Variants in DLGAP1 observed in about 807,000 individuals in gnomAD.
The protein encoded by DLGAP1 is DLG associated protein 1, also known as disks large-associated protein 1.
DLGAP1 carries 11 observed loss-of-function variants against 90.8 expected under a neutral mutation model. The ratio of observed to expected loss-of-function variants is 0.12; its 90% CI spans 0.08 to 0.20. DLGAP1 has a LOEUF of 0.20. Ranked by LOEUF, DLGAP1 falls within the 10% of genes least tolerant of loss-of-function variation. The pLI, the probability that DLGAP1 is intolerant of heterozygous loss-of-function variation, is 1.00. For synonymous variants in DLGAP1, 558 were observed against 540.7 expected (o/e 1.03, Z -0.44); for missense variants, 1,050 against 1,333.8 (o/e 0.79, Z 3.31).
At chr18:4,261,476 C>T (rs920032866) in intron 1 of DLGAP1, among the ~76,000 whole-genome samples, 5 of 152,064 alleles carry the variant, frequency 3.3e-5, no homozygotes, top group African/African-American at 9.7e-5. Flanking sequence ...GCCCTTTTAC[C>T]TCTGCTTTTC....
At chr18:3,882,048 C>G (rs2071186904) in intron 3 of DLGAP1, among the ~76,000 whole-genome samples, 5 of 152,162 alleles carry the variant, frequency 3.3e-5, no homozygotes, top group Admixed American at 3.3e-4. Context: ...ACAAACAATC[C>G]CCCCAGGTTA....
At chr18:3,736,654 A>G (rs1245041825) in intron 6 of DLGAP1, among the ~76,000 whole-genome samples, 1 of 152,208 alleles carries the variant, frequency 6.6e-6, no homozygotes, top group Admixed American at 6.5e-5. Context: ...TTGAAGAGGA[A>G]ACTATTCTCC....
intron 4 of DLGAP1, among the ~76,000 whole-genome samples, chr18:3,828,693 A>C (rs2067867695): frequency 6.6e-6 from 1 of 151,470 alleles, no homozygotes; most frequent in Admixed American, 6.6e-5. Flanking sequence ...AACCTTTAAA[A>C]AAAAAACTTT....
At chr18:4,248,101 A>T (rs16946309) in intron 1 of DLGAP1, among the ~76,000 whole-genome samples, 1 of 152,066 alleles carries the variant, frequency 6.6e-6, no homozygotes, top group Non-Finnish European at 1.5e-5. Flanking sequence ...TAGACTTGGC[A>T]CTTGAGTTCC....
At chr18:4,324,553 A>G (rs1450050371) in intron 1 of DLGAP1, among the ~76,000 whole-genome samples, 1 of 152,042 alleles carries the variant, frequency 6.6e-6, no homozygotes, top group East Asian at 1.9e-4. Context: ...AACCTGGCAG[A>G]GACACAACAA....
chr18:4,181,715 C>T (rs8099105), intron 1 of DLGAP1, among the ~76,000 whole-genome samples: 6,114 of 151,296 alleles, frequency 0.04, 377 homozygotes, highest in African/African-American at 0.13. Context: ...TTTAAAGTGT[C>T]TGGTATTTTG....
rs1400122023 is a variant in DLGAP1, at chr18:3,701,810, C to T, written c.1591+27325G>A. 8.5e-5 allele frequency among the ~76,000 whole-genome samples: 13 copies of T among 152,234 alleles called. No individual in the cohort carries two copies. In the East Asian group the frequency reaches 1.4e-3, roughly 16 times the overall value. On this transcript the variant is annotated intron_variant, in intron 7 of 12. Transcript: ENST00000315677. ...AGGATGAATTGAGGTAATTCTGCTG[C>T]GATCTGGCAGATGGACATAGAGAGA...
At chr18:4,312,212 G>A (rs568607072) in intron 1 of DLGAP1, among the ~76,000 whole-genome samples, 9 of 152,250 alleles carry the variant, frequency 5.9e-5, no homozygotes, top group East Asian at 5.8e-4. Context: ...AGTTTGCCAC[G>A]TACTGTTCTC....
chr18:3,533,064 G>C (rs539610705), intron 10 of DLGAP1, among the ~76,000 whole-genome samples: 33 of 152,224 alleles, frequency 2.2e-4, no homozygotes, highest in Admixed American at 5.2e-4. Context: ...GGCCGAGGTG[G>C]GCGGATTGCC....
At chr18:3,510,566 G>A (rs1190014721) in intron 10 of DLGAP1, among the ~76,000 whole-genome samples, 1 of 152,210 alleles carries the variant, frequency 6.6e-6, no homozygotes, top group East Asian at 1.9e-4. Context: ...AAGTGAGCAT[G>A]TGGCTGTAGG....
chr18:4,026,593 T>C (rs1366219838), intron 2 of DLGAP1, among the ~76,000 whole-genome samples: 1 of 152,168 alleles, frequency 6.6e-6, no homozygotes, highest in Non-Finnish European at 1.5e-5. Flanking sequence ...GCTCTGAGTA[T>C]AAGCAATCAT....
intron 1 of DLGAP1, among the ~76,000 whole-genome samples, chr18:4,174,651 TTTTAC>T (rs1182654423): frequency 6.6e-6 from 1 of 152,132 alleles, no homozygotes; most frequent in African/African-American, 2.4e-5. Flanking sequence ...CTTTATTTTA[TTTTAC>T]TTTAAGTTCT....
rs77379350 is a variant in DLGAP1 at position 4,166,817 on chromosome 18, G to T, written c.-266-15530C>A. On this transcript the variant is annotated intron_variant, in intron 1 of 12. Transcript: ENST00000315677. ...TATTGTATGTTTCCATTTACACAAG[G>T]TTCCTAAAATAGGCAAATTCAGAGA... Among the ~76,000 whole-genome samples the T allele has an allele frequency of 3.4e-3, 517 of 152,290 alleles. 4 individuals carry two copies. The highest frequency in any genetic ancestry group is 0.012 in the African/African-American group (482 of 41,566).
At chr18:3,953,505 G>A (rs1259833422) in intron 3 of DLGAP1, among the ~76,000 whole-genome samples, 2 of 152,178 alleles carry the variant, frequency 1.3e-5, no homozygotes, top group Non-Finnish European at 2.9e-5. Flanking sequence ...TGCTGTAAAA[G>A]ACATGATTTC....
chr18:3,655,142 T>C (rs2059437815), intron 7 of DLGAP1, among the ~76,000 whole-genome samples: 1 of 151,370 alleles, frequency 6.6e-6, no homozygotes, highest in Admixed American at 6.6e-5. Flanking sequence ...GCCAGCCACA[T>C]CTCCCTTTAA....
chr18:3,649,366 C>G (rs568070342), intron 7 of DLGAP1, among the ~76,000 whole-genome samples: 1 of 152,182 alleles, frequency 6.6e-6, no homozygotes, highest in Non-Finnish European at 1.5e-5. Context: ...CTATCCAACA[C>G]GAGGAGTCGC....
At chr18:3,923,006 C>T (rs1263969791) in intron 3 of DLGAP1, among the ~76,000 whole-genome samples, 11 of 151,776 alleles carry the variant, frequency 7.2e-5, no homozygotes, top group East Asian at 1.9e-4. Context: ...TGGTGGCGCA[C>T]GCCTGTGGTC....
intron 1 of DLGAP1, among the ~76,000 whole-genome samples, chr18:4,320,317 C>T (rs1040396385): frequency 1.3e-5 from 2 of 152,082 alleles, no homozygotes; most frequent in African/African-American, 4.8e-5. Flanking sequence ...CTTTTTGTTT[C>T]TAGATGCACT....
At chr18:3,987,768 A>G (rs2073872306) in intron 3 of DLGAP1, among the ~76,000 whole-genome samples, 1 of 152,170 alleles carries the variant, frequency 6.6e-6, no homozygotes, top group African/African-American at 2.4e-5. Flanking sequence ...TGCATATTTT[A>G]AAGAGCGTTT....
Sources: allele counts gnomAD v4.1 joint callset (sites outside exome capture counted in the v4.1 genomes callset), GRCh38; gene constraint gnomAD v4.1.1; transcripts MANE v1.5; gene names NCBI Gene and HGNC (gene_info 2026-07-23, HGNC 2026-07-21).